Variants in RFX7 observed in about 807,000 individuals in gnomAD.
RFX7 encodes DNA-binding protein RFX7.
In RFX7, 26 loss-of-function variants were observed where a neutral mutation model predicts 111.8. The ratio of observed to expected loss-of-function variants is 0.23; its 90% confidence interval spans 0.17 to 0.32. The LOEUF is 0.32. RFX7 is among the 10% of genes least tolerant of loss of function. The probability of loss-of-function intolerance (pLI) is 1.00; values close to 1 mark genes in which losing one functional copy is unlikely to be tolerated. For synonymous variants in RFX7, 624 were observed against 624.4 expected (o/e 1.00, Z 0.01); for missense variants, 1,573 against 1,772.9 (o/e 0.89, Z 2.02).
At chr15:56,204,388 C>T (rs1013789414) in intron 2 of RFX7, among the ~76,000 whole-genome samples, 2 of 152,022 alleles carry the variant, frequency 1.3e-5, no homozygotes, top group Non-Finnish European at 1.5e-5. Flanking sequence ...CTATCCCATA[C>T]ATCATTTCCC....
At chr15:56,154,756 G>C (rs748886947) in intron 3 of RFX7, among the ~76,000 whole-genome samples, 33 of 152,154 alleles carry the variant, frequency 2.2e-4, no homozygotes, top group Non-Finnish European at 4.7e-4. Context: ...AAAAGCAATG[G>C]CAACAAAAGC....
chr15:56,217,395 T>C (rs756078301), intron 2 of RFX7, among the ~76,000 whole-genome samples: 2 of 151,922 alleles, frequency 1.3e-5, no homozygotes, highest in South Asian at 4.1e-4. Flanking sequence ...TCTAGGTTCA[T>C]ACACTGTAAG....
intron 5 of RFX7, among the ~76,000 whole-genome samples, chr15:56,110,126 T>A (rs2041896712): frequency 7.8e-6 from 1 of 128,988 alleles, no homozygotes; most frequent in Non-Finnish European, 1.6e-5. Context: ...AGCCGCCCAG[T>A]CCGGGAGGGA....
chr15:56,111,080 C>G (rs1403799077), intron 5 of RFX7, among the ~76,000 whole-genome samples: 60 of 125,634 alleles, frequency 4.8e-4, no homozygotes, highest in Non-Finnish European at 7.7e-4. Flanking sequence ...AGGGGCGCCT[C>G]TGCCCGGCCG....
intron 2 of RFX7, among the ~76,000 whole-genome samples, chr15:56,238,295 G>C (rs1452355503): frequency 6.6e-6 from 1 of 152,156 alleles, no homozygotes; most frequent in Non-Finnish European, 1.5e-5. Context: ...TTAATATCTA[G>C]ATGTTGATTG....
chr15:56,122,952 GAAATACCATCTAAGGGCC>G (rs2042097290), intron 5 of RFX7, among the ~76,000 whole-genome samples: 1 of 151,738 alleles, frequency 6.6e-6, no homozygotes, highest in Non-Finnish European at 1.5e-5. Context: ...TGGTATTCGA[GAAATACCATCTAAGGGCC>G]AAATACCATA....
chr15:56,202,754 G>C (rs1474131440), intron 2 of RFX7, among the ~76,000 whole-genome samples: 2 of 152,244 alleles, frequency 1.3e-5, no homozygotes, highest in African/African-American at 4.8e-5. Flanking sequence ...TGAGGCTGCA[G>C]TGAGCTATCA....
chr15:56,132,429 A>G (rs977787862), intron 5 of RFX7, among the ~76,000 whole-genome samples: 10 of 152,106 alleles, frequency 6.6e-5, no homozygotes, highest in Non-Finnish European at 1.5e-4. Flanking sequence ...GTAACAGTAC[A>G]TTATAGATTA....
chr15:56,109,860 G>A (rs1212224491), intron 5 of RFX7, among the ~76,000 whole-genome samples: 29 of 151,766 alleles, frequency 1.9e-4, no homozygotes, highest in African/African-American at 6.5e-4. Context: ...CAGCCACCCC[G>A]TCTGGGAAGT....
At chr15:56,153,918 T>G (rs2042613117) in intron 3 of RFX7, among the ~76,000 whole-genome samples, 1 of 152,210 alleles carries the variant, frequency 6.6e-6, no homozygotes, top group Non-Finnish European at 1.5e-5. Flanking sequence ...AAAATCTCCT[T>G]AATCTGATAA....
In RFX7 at chr15:56,090,585, T is replaced by C. The variant is rs372287012; in HGVS notation, c.*2760A>G. ...GTTTTTGAAAACATTTAAAAAACAATTTTTGAGCACTTTAATAAAAAAAGA... is the reference window on the plus strand; with the variant it reads ...GTTTTTGAAAACATTTAAAAAACAACTTTTGAGCACTTTAATAAAAAAAGA... On this transcript the variant is annotated 3_prime_UTR_variant, in exon 10 of 10. Coordinates refer to ENST00000559447, the MANE Select transcript of RFX7 (RefSeq NM_022841.7). 1.3e-3 allele frequency: 204 copies of C among 152,712 alleles called. No homozygotes were observed. The highest frequency in any genetic ancestry group is 4.8e-3 in the African/African-American group (200 of 41,570). The allele number at this position is 152,712 out of a possible 1,614,324, so 9.5% of individuals were successfully genotyped here.
intron 3 of RFX7, among the ~76,000 whole-genome samples, chr15:56,148,808 G>A (rs2042522673): frequency 6.6e-6 from 1 of 152,116 alleles, no homozygotes; most frequent in African/African-American, 2.4e-5. Context: ...TCGGCCGGGG[G>A]CAGTGGCTCA....
intron 5 of RFX7, among the ~76,000 whole-genome samples, chr15:56,108,904 ACAAG>A (rs1431733945): frequency 1.3e-5 from 2 of 152,224 alleles, no homozygotes; most frequent in Non-Finnish European, 1.5e-5. Flanking sequence ...ACATCAATAG[ACAAG>A]CAGAGAGCCA....
intron 3 of RFX7, among the ~76,000 whole-genome samples, chr15:56,152,917 G>A (rs1419679924): frequency 6.6e-6 from 1 of 152,084 alleles, no homozygotes; most frequent in Non-Finnish European, 1.5e-5. Context: ...TACCATCAGA[G>A]AATACTATAA....
rs1383052108 is a variant in RFX7, at chr15:56,090,810, C to T, written c.*2535G>A. The T allele has an allele frequency of 6.6e-6, 1 of 152,520 alleles. No homozygotes were observed. Among genetic ancestry groups the T allele is most frequent in the Admixed American group, 6.6e-5 (1 of 15,246 alleles). The allele number at this position is 152,520 out of a possible 1,614,324, so 9.4% of individuals were successfully genotyped here. On this transcript the variant is annotated 3_prime_UTR_variant, in exon 10 of 10. Transcript: ENST00000559447. Reference sequence around the variant, plus strand: ...GAAGCACTGCACAAAAAAACACTTTCCTTCTTTTCAGTTCAAAAGTCAGTG... The same window carrying T: ...GAAGCACTGCACAAAAAAACACTTTTCTTCTTTTCAGTTCAAAAGTCAGTG...
At position 56,101,348 on chromosome 15, in the gene RFX7, TA is replaced by T. The variant is rs775051311; in HGVS notation, c.811+10del. On this transcript the variant is annotated intron_variant, in intron 8 of 9. Coordinates refer to ENST00000559447, the MANE Select transcript of RFX7 (RefSeq NM_022841.7). ...CTGTCAGTTTTTAGCTTGTTCACAG[TA>T]ATGTTGTACCTGCTGGTGCTGCTGC... 1 of 1,567,180 alleles carries T rather than the reference TA, an allele frequency of 6.4e-7. No homozygotes were observed. Among genetic ancestry groups the T allele is most frequent in the East Asian group, 2.3e-5 (1 of 42,826 alleles).
In RFX7 at chr15:56,095,410, G is replaced by A. The variant is rs1382016594; in HGVS notation, c.2318C>T (p.Ser773Leu). Residue 773 changes from serine to leucine, a missense_variant, in exon 10 of 10, where the codon TCA becomes TTA. Physicochemically the swap from Ser to Leu is moderately radical, Grantham distance 145. Coordinates refer to ENST00000559447, the MANE Select transcript of RFX7 (RefSeq NM_022841.7). ...TCCATTTGGATTAAAGCTGCCAACT[G>A]ACTTTGAATCACTGTCCAAGAGAAA... ...SVFLLDSDSK[S>L]VGSFNPNGWQ... is the part of the protein sequence containing the mutation. The A allele has an allele frequency of 2.5e-6, 4 of 1,613,272 alleles. No individual in the cohort carries two copies. In the South Asian group the frequency reaches 4.4e-5, roughly 18 times the overall value.
chr15:56,136,438 A>T (rs2042304147), intron 5 of RFX7, among the ~76,000 whole-genome samples: 1 of 143,322 alleles, frequency 7.0e-6, no homozygotes, highest in African/African-American at 2.6e-5. Flanking sequence ...GGTGTATAAG[A>T]ATGCTTGTGA....
chr15:56,143,322 C>G (rs140153178), intron 4 of RFX7, among the ~76,000 whole-genome samples: 24 of 147,586 alleles, frequency 1.6e-4, no homozygotes, highest in Admixed American at 4.9e-4. Context: ...TATATATATA[C>G]ACATGTATAC....
Sources: allele counts gnomAD v4.1 joint callset (sites outside exome capture counted in the v4.1 genomes callset), GRCh38; gene constraint gnomAD v4.1.1; transcripts MANE v1.5; gene names NCBI Gene and HGNC (gene_info 2026-07-23, HGNC 2026-07-21).